CEP76: variants seen among roughly 807,000 people sequenced by gnomAD.
The protein encoded by CEP76 is centrosomal protein 76, also known as centrosomal protein of 76 kDa.
A neutral mutation model predicts 83.3 loss-of-function variants in CEP76; 55 were observed. That is an observed-to-expected ratio of 0.66 (90% confidence interval 0.53 to 0.83). CEP76 has a LOEUF of 0.83. Ranked by LOEUF, CEP76 falls within the 40% of genes least tolerant of loss-of-function variation. The pLI, the probability that CEP76 is intolerant of heterozygous loss-of-function variation, is 0.00. For missense variants in CEP76, 694 were observed against 799.5 expected (o/e 0.87, Z 1.59); for synonymous variants, 270 against 274.5 (o/e 0.98, Z 0.16).
At chr18:12,662,929 ATAAT>A (rs1282325431) in intron 12 of CEP76, among the ~76,000 whole-genome samples, 3 of 152,330 alleles carry the variant, frequency 2.0e-5, no homozygotes, top group South Asian at 2.1e-4. Flanking sequence ...CTCCTTTAAG[ATAAT>A]TATTTTTAAA....
chr18:12,668,651 T>A (rs2038858892), downstream of CEP76, among the ~76,000 whole-genome samples: 2 of 119,790 alleles, frequency 1.7e-5, no homozygotes, highest in African/African-American at 3.1e-5. Flanking sequence ...CTTAATCCAA[T>A]CAAAAAGCTG....
chr18:12,683,404 G>C (rs1263318965), intron 8 of CEP76, among the ~76,000 whole-genome samples: 2 of 150,548 alleles, frequency 1.3e-5, no homozygotes, highest in Non-Finnish European at 3.0e-5. Flanking sequence ...AAAAAAAAAA[G>C]AGCCTAACTT....
chr18:12,698,158 TTATTTA>T (rs139484903), intron 4 of CEP76, among the ~76,000 whole-genome samples: 7,749 of 151,454 alleles, frequency 0.051, 688 homozygotes, highest in African/African-American at 0.18. Flanking sequence ...ACTTTTTATT[TTATTTA>T]TATTTATTTG....
At chr18:12,695,852 C>CCACA (rs375916938) in intron 5 of CEP76, among the ~76,000 whole-genome samples, 14,544 of 148,280 alleles carry the variant, frequency 0.098, 890 homozygotes, top group South Asian at 0.22. Flanking sequence ...CATTCCTTCT[C>CCACA]CACACACACA....
At chr18:12,686,172 A>G (rs2145044944) in intron 8 of CEP76, 90 bp downstream of exon 8, 1 of 1,081,578 alleles carries the variant, frequency 9.2e-7, no homozygotes, top group East Asian at 2.6e-5. Context: ...CTATATGTGC[A>G]TTTTTCTAAG....
intron 2 of CEP76, chr18:12,700,217 T>C (rs1179396825): frequency 2.7e-5 from 5 of 186,860 alleles, no homozygotes; most frequent in East Asian, 2.5e-4. Flanking sequence ...TATGTAACAG[T>C]TGGCTTATAA....
At chr18:12,690,501 G>A (rs924861800) in intron 7 of CEP76, among the ~76,000 whole-genome samples, 2 of 151,624 alleles carry the variant, frequency 1.3e-5, no homozygotes, top group Non-Finnish European at 2.9e-5. Context: ...TGTTGCCCAG[G>A]CCGGACTGCA....
intron 7 of CEP76, among the ~76,000 whole-genome samples, chr18:12,689,694 C>T (rs921085041): frequency 2.0e-5 from 3 of 152,116 alleles, no homozygotes; most frequent in African/African-American, 7.2e-5. Context: ...CATCCTGAGT[C>T]CTCTCTAGTT....
At chr18:12,692,060 A>C (rs1228418056) in intron 6 of CEP76, 3 of 152,168 alleles carry the variant, frequency 2.0e-5, no homozygotes, top group Non-Finnish European at 4.4e-5. Flanking sequence ...TCACGCCTGT[A>C]ATCACAACAT....
chr18:12,674,397 G>A (rs2039045951), intron 11 of CEP76, 139 bp downstream of exon 11: 3 of 624,180 alleles, frequency 4.8e-6, no homozygotes, highest in South Asian at 4.4e-5. Flanking sequence ...AGCCATAACT[G>A]TGCCACTGTA....
At chr18:12,662,821 G>A (rs1444026967) in intron 12 of CEP76, among the ~76,000 whole-genome samples, 1 of 152,154 alleles carries the variant, frequency 6.6e-6, no homozygotes. Flanking sequence ...AGAGGATTGA[G>A]ATAAAATGTG....
intron 8 of CEP76, chr18:12,684,270 A>G (rs2145035968): frequency 6.6e-6 from 1 of 151,746 alleles, no homozygotes; most frequent in East Asian, 1.9e-4. Context: ...CACCTGGCCC[A>G]TGCCTGGGTA....
chr18:12,689,498 A>C (rs2039670202), intron 7 of CEP76, among the ~76,000 whole-genome samples: 1 of 152,214 alleles, frequency 6.6e-6, no homozygotes, highest in African/African-American at 2.4e-5. Context: ...GCCACTTGAC[A>C]ATCTTATATG....
rs764088609 is a variant in CEP76, at chr18:12,678,305, T to G, written c.1427A>C (p.Glu476Ala). 1.9e-6 allele frequency: 3 copies of G among 1,614,038 alleles called. No homozygotes were observed. The highest frequency in any genetic ancestry group is 1.7e-6 in the Non-Finnish European group (2 of 1,179,912). Reference sequence around the variant, plus strand: ...ATCGTTCAAATCAAATACACAGGTTTCTACTGCATCAGAGGGTTGACAATT... The same window carrying G: ...ATCGTTCAAATCAAATACACAGGTTGCTACTGCATCAGAGGGTTGACAATT... ...LGNCQPSDAVETCVFDLNDES... is the reference protein window; with the variant it reads ...LGNCQPSDAVATCVFDLNDES... Residue 476 changes from glutamate (E) to alanine (A), a missense_variant, in exon 10 of 12, where the codon GAA becomes GCA. Transcript: ENST00000262127.
chr18:12,674,858 T>A, intron 10 of CEP76, 105 bp from the exon 11 acceptor site: 1 of 592,114 alleles, frequency 1.7e-6, no homozygotes, highest in Non-Finnish European at 2.8e-6. Context: ...AAAAGATTTT[T>A]AAAAGCTATC....
At chr18:12,662,395 A>G (rs2038710784) in intron 12 of CEP76, among the ~76,000 whole-genome samples, 1 of 152,232 alleles carries the variant, frequency 6.6e-6, no homozygotes, top group Non-Finnish European at 1.5e-5. Context: ...AGTAAATGAA[A>G]CAGTTGGTAC....
At chr18:12,697,518 G>C (rs2039998311) in intron 4 of CEP76, 110 bp from the exon 5 acceptor site, 3 of 737,082 alleles carry the variant, frequency 4.1e-6, no homozygotes, top group Non-Finnish European at 6.2e-6. Flanking sequence ...AAACCAAAGA[G>C]AACAATTTGC....
chr18:12,683,425 A>G (rs896151000), intron 8 of CEP76, among the ~76,000 whole-genome samples: 5 of 151,948 alleles, frequency 3.3e-5, no homozygotes, highest in South Asian at 2.1e-4. Flanking sequence ...GGCAGTTCCT[A>G]CAATAGGGAA....
In CEP76 at chr18:12,697,368, T is replaced by C; in HGVS notation, c.561A>G (p.Ser187=). Residue 187 remains serine, a synonymous_variant, in exon 5 of 12, where the codon TCA becomes TCG. Coordinates refer to ENST00000262127, the MANE Select transcript of CEP76 (RefSeq NM_024899.4). ...TRMADSTTML[S]ISDPIHMVLI... ...GCACCATATGAATTGGATCACTTAT[T>C]GATAACATTGTTGTTGAATCAGCCA... is the stretch of plus-strand genomic sequence containing the variant. 1 of 1,612,858 alleles carries C rather than the reference T, an allele frequency of 6.2e-7. No homozygotes were observed. The highest frequency in any genetic ancestry group is 8.5e-7 in the Non-Finnish European group (1 of 1,179,408).
Sources: allele counts gnomAD v4.1 joint callset (sites outside exome capture counted in the v4.1 genomes callset), GRCh38; gene constraint gnomAD v4.1.1; transcripts MANE v1.5; gene names NCBI Gene and HGNC (gene_info 2026-07-23, HGNC 2026-07-21).